The following VTI1A variants were observed in gnomAD, a reference collection of about 807,000 sequenced individuals.
VTI1A encodes the protein vesicle transport through interaction with t-SNAREs homolog 1A.
VTI1A carries 22 observed loss-of-function variants against 34.9 expected under a neutral mutation model. That is an observed-to-expected ratio of 0.63 (90% CI 0.45 to 0.90). The LOEUF (loss-of-function observed/expected upper bound fraction) is 0.90. Ranked by LOEUF, VTI1A falls within the 40% of genes least tolerant of loss-of-function variation. The pLI, the probability that VTI1A is intolerant of heterozygous loss-of-function variation, is 0.00. For missense variants in VTI1A, 268 were observed against 275.6 expected (o/e 0.97, Z 0.20); for synonymous variants, 87 against 97.3 (o/e 0.89, Z 0.62).
At chr10:112,566,199 C>T (rs558107550) in intron 5 of VTI1A, among the ~76,000 whole-genome samples, 26 of 152,116 alleles carry the variant, frequency 1.7e-4, no homozygotes, top group African/African-American at 5.8e-4. Flanking sequence ...TAAGTAAGAA[C>T]TGATTTGTTA....
chr10:112,546,226 CAT>C (rs779845222), intron 5 of VTI1A, among the ~76,000 whole-genome samples: 2 of 150,102 alleles, frequency 1.3e-5, no homozygotes, highest in African/African-American at 2.5e-5. Context: ...CACACACACA[CAT>C]ATATATATAC....
intron 5 of VTI1A, among the ~76,000 whole-genome samples, chr10:112,583,605 A>G (rs1027805926): frequency 2.0e-5 from 3 of 152,294 alleles, no homozygotes; most frequent in South Asian, 4.1e-4. Flanking sequence ...TGGTAATGGC[A>G]CCTGTTAGAG....
chr10:112,803,445 G>A (rs767338067), intron 7 of VTI1A, among the ~76,000 whole-genome samples: 23 of 152,344 alleles, frequency 1.5e-4, no homozygotes, highest in Non-Finnish European at 2.5e-4. Context: ...TTGAGTTGCC[G>A]TCAGGTACAG....
At chr10:112,819,640 T>C (rs982859051), downstream of VTI1A, among the ~76,000 whole-genome samples, 1 of 152,188 alleles carries the variant, frequency 6.6e-6, no homozygotes, top group African/African-American at 2.4e-5. Context: ...GAGATGGGCC[T>C]TCTGTCCTTT....
rs75986610 is a variant in VTI1A at position 112,599,914 on chromosome 10, C to T, written c.427+61584C>T. 9.9e-3 allele frequency among the ~76,000 whole-genome samples: 1,508 copies of T among 152,242 alleles called. 31 individuals are homozygous for T. The highest frequency in any genetic ancestry group is 0.035 in the African/African-American group (1,457 of 41,540). On this transcript the variant is annotated intron_variant, in intron 5 of 7. Transcript: ENST00000393077. Reference sequence around the variant, plus strand: ...TTTCTATGCTCAAAACGAATAATAACGTTCCAACTCCGGGCAACTCAGTAA... The same window carrying T: ...TTTCTATGCTCAAAACGAATAATAATGTTCCAACTCCGGGCAACTCAGTAA...
At chr10:112,643,283 G>T (rs1846653181) in intron 5 of VTI1A, among the ~76,000 whole-genome samples, 1 of 151,488 alleles carries the variant, frequency 6.6e-6, no homozygotes, top group Non-Finnish European at 1.5e-5. Flanking sequence ...ACAGGTGTGA[G>T]CCACAGTGTC....
intron 4 of VTI1A, chr10:112,527,383 A>G (rs1005029653): frequency 2.6e-6 from 1 of 382,394 alleles, no homozygotes; most frequent in Non-Finnish European, 4.7e-6. Flanking sequence ...ATCTTTTAAA[A>G]AAATCTTTTC....
In VTI1A at chr10:112,460,511, T is replaced by C. The variant is rs1360954344; in HGVS notation, c.95-13T>C. ...TATCTTTAGCAATTTCTTGGTATTA[T>C]TGTTTGTTTCAGATGAAAAGAAACA... On this transcript the variant is annotated splice_polypyrimidine_tract_variant and intron_variant, in intron 1 of 7. Transcript: ENST00000393077. 6.3e-7 allele frequency: 1 copy of C among 1,593,064 alleles called. No homozygotes were observed. The highest frequency in any genetic ancestry group is 8.5e-7 in the Non-Finnish European group (1 of 1,174,026).
At chr10:112,705,507 T>C (rs1428153923) in intron 7 of VTI1A, among the ~76,000 whole-genome samples, 1 of 152,122 alleles carries the variant, frequency 6.6e-6, no homozygotes, top group Non-Finnish European at 1.5e-5. Flanking sequence ...CTCTTCTCCC[T>C]CTACCCCTAC....
rs898409127 is a variant in VTI1A, at chr10:112,708,609, T to C, written c.560+39611T>C. Among the ~76,000 whole-genome samples, 6 of 152,364 alleles carry C rather than the reference T, an allele frequency of 3.9e-5. No individual in the cohort carries two copies. The East Asian group carries it at 9.6e-4, about 24-fold the overall frequency. On this transcript the variant is annotated intron_variant, in intron 7 of 7. Transcript: ENST00000393077. ...TATTTGTAAAGGAATGTGTTCTGCA[T>C]ACTAATTAGCATTAAGCAGTATCTT...
chr10:112,486,996 A>G (rs1362841799), intron 3 of VTI1A, among the ~76,000 whole-genome samples: 1 of 152,144 alleles, frequency 6.6e-6, no homozygotes, highest in African/African-American at 2.4e-5. Flanking sequence ...TACTATCACT[A>G]TTTAATAGAG....
At chr10:112,667,341 C>T (rs1433907396) in intron 5 of VTI1A, among the ~76,000 whole-genome samples, 1 of 152,048 alleles carries the variant, frequency 6.6e-6, no homozygotes, top group Non-Finnish European at 1.5e-5. Flanking sequence ...TAAGGCACCT[C>T]CCAGGTAATG....
intron 5 of VTI1A, among the ~76,000 whole-genome samples, chr10:112,618,506 T>TAGAGAG (rs1452998530): frequency 8.3e-4 from 28 of 33,598 alleles, no homozygotes; most frequent in South Asian, 2.2e-3. Flanking sequence ...TATATATATA[T>TAGAGAG]ATATATATAT....
chr10:112,801,623 C>A (rs1852880028), intron 7 of VTI1A, among the ~76,000 whole-genome samples: 1 of 152,144 alleles, frequency 6.6e-6, no homozygotes, highest in African/African-American at 2.4e-5. Context: ...CTGAATCTTT[C>A]TATAGTGTAT....
At chr10:112,561,410 T>C (rs1383087243) in intron 5 of VTI1A, among the ~76,000 whole-genome samples, 1 of 152,224 alleles carries the variant, frequency 6.6e-6, no homozygotes, top group East Asian at 1.9e-4. Context: ...TTTGTTTCGC[T>C]GAAATTTTGT....
intron 5 of VTI1A, among the ~76,000 whole-genome samples, chr10:112,599,084 A>C (rs921622520): frequency 1.3e-5 from 2 of 152,214 alleles, no homozygotes; most frequent in Non-Finnish European, 2.9e-5. Flanking sequence ...GACCCAGAAC[A>C]GGAAGAGTCA....
At chr10:112,619,068 T>TTG (rs1032758637) in intron 5 of VTI1A, among the ~76,000 whole-genome samples, 2 of 151,800 alleles carry the variant, frequency 1.3e-5, no homozygotes, top group East Asian at 1.9e-4. Context: ...ACACAGTTTT[T>TTG]TTTTTTTTTT....
chr10:112,536,099 TC>T (rs1393475505), intron 4 of VTI1A, among the ~76,000 whole-genome samples: 2 of 152,244 alleles, frequency 1.3e-5, no homozygotes, highest in African/African-American at 2.4e-5. Flanking sequence ...ATGCTTTATT[TC>T]CTACATTAAA....
intron 5 of VTI1A, among the ~76,000 whole-genome samples, chr10:112,619,063 G>GTTT (rs34173451): frequency 5.0e-4 from 73 of 146,210 alleles, no homozygotes; most frequent in Middle Eastern, 3.6e-3. Flanking sequence ...AGTAAACACA[G>GTTT]TTTTTTTTTT....
Sources: gnomAD v4.1 joint callset for allele counts (sites outside exome capture counted in the v4.1 genomes callset) on GRCh38, gnomAD v4.1.1 for gene constraint, MANE v1.5 for transcripts, NCBI Gene and HGNC (gene_info 2026-07-23, HGNC 2026-07-21) for gene names.